The following TTBK2 variants were observed in gnomAD, a reference collection of about 807,000 sequenced individuals.
The protein encoded by TTBK2 is tau tubulin kinase 2.
Under a neutral mutation model 110.8 loss-of-function variants are expected in TTBK2, and 28 were observed. The observed-to-expected ratio is 0.25, with a 90% CI of 0.19 to 0.35. The LOEUF (loss-of-function observed/expected upper bound fraction) is 0.35. Ranked by LOEUF, TTBK2 falls within the 10% of genes least tolerant of loss-of-function variation. The probability of loss-of-function intolerance (pLI) is 1.00; values close to 1 mark genes in which losing one functional copy is unlikely to be tolerated. For missense variants in TTBK2, 1,369 were observed against 1,500.3 expected, an observed-to-expected ratio of 0.91 and a Z score of 1.45; for synonymous variants, 532 against 527.3, an observed-to-expected ratio of 1.01 and a Z score of -0.12.
At chr15:42,759,325 C>G (rs1433022484) in intron 13 of TTBK2, among the ~76,000 whole-genome samples, 1 of 152,232 alleles carries the variant, frequency 6.6e-6, no homozygotes, top group East Asian at 1.9e-4. Context: ...CACTCAGGGA[C>G]AGCTGGCTCA....
chr15:42,827,839 GGATA>G (rs1892595444), intron 6 of TTBK2, 85 bp downstream of exon 6: 2 of 1,018,776 alleles, frequency 2.0e-6, no homozygotes, highest in Admixed American at 3.8e-5. Flanking sequence ...ACATCCATTA[GGATA>G]AATAATTAGC....
intron 9 of TTBK2, among the ~76,000 whole-genome samples, chr15:42,807,352 C>T (rs149492745): frequency 0.017 from 2,588 of 152,110 alleles, 32 homozygotes; most frequent in Middle Eastern, 0.037. Context: ...TGATGCTTAA[C>T]AAATTTGAAC....
chr15:42,838,799 G>A (rs1893100657), intron 4 of TTBK2, among the ~76,000 whole-genome samples: 2 of 151,642 alleles, frequency 1.3e-5, no homozygotes, highest in Admixed American at 1.3e-4. Flanking sequence ...CTGGGTGACA[G>A]ACCAAGACTC....
In TTBK2 at chr15:42,777,252, A is replaced by G; in HGVS notation, c.1198-10T>C. ...CCTCTTCAGTAGCAGCCTATCCAAA[A>G]TATAAAATAAAATCATGAAAAACAT... On this transcript the variant is annotated splice_polypyrimidine_tract_variant and intron_variant, in intron 11 of 14. Transcript: ENST00000267890. 1 of 1,613,798 alleles carries G rather than the reference A, an allele frequency of 6.2e-7. No individual in the cohort carries two copies. The highest frequency in any genetic ancestry group is 1.1e-5 in the South Asian group (1 of 91,008).
chr15:42,754,450 C>T (rs2061914400), intron 13 of TTBK2, among the ~76,000 whole-genome samples: 2 of 151,308 alleles, frequency 1.3e-5, no homozygotes, highest in South Asian at 4.2e-4. Flanking sequence ...GGCTGGAGTG[C>T]AATGGTGCAA....
intron 7 of TTBK2, among the ~76,000 whole-genome samples, chr15:42,814,013 T>A (rs1437607946): frequency 3.3e-5 from 5 of 152,016 alleles, no homozygotes; most frequent in Non-Finnish European, 5.9e-5. Context: ...AGAGTTCAAG[T>A]GTTTTTTTGT....
At chr15:42,882,139 A>T (rs1416869853) in intron 1 of TTBK2, among the ~76,000 whole-genome samples, 1 of 152,120 alleles carries the variant, frequency 6.6e-6, no homozygotes, top group East Asian at 1.9e-4. Context: ...AGAAAAAAAT[A>T]AAAAATAGCT....
intron 4 of TTBK2, among the ~76,000 whole-genome samples, chr15:42,838,822 A>G (rs186176043): frequency 4.6e-4 from 70 of 152,312 alleles, no homozygotes; most frequent in African/African-American, 1.6e-3. Flanking sequence ...TCTCAAAAAA[A>G]AAATATACAG....
chr15:42,874,957 G>A (rs1313807224), intron 2 of TTBK2, among the ~76,000 whole-genome samples: 1 of 128,722 alleles, frequency 7.8e-6, no homozygotes, highest in Admixed American at 8.5e-5. Context: ...TTGCACTCCA[G>A]CCTGGGCAAC....
rs547626539 is a variant in TTBK2, at chr15:42,903,037, T to C, written c.-68+17401A>G. 2.9e-4 allele frequency among the ~76,000 whole-genome samples: 44 copies of C among 152,186 alleles called. No homozygotes were observed. The South Asian group carries it at 9.1e-3, about 32-fold the overall frequency. ...AAAGAAAGGGAATTCTTTTTAATTT[T>C]TTTTTTATTTGAGACAGTCTCGCTC... On this transcript the variant is annotated intron_variant, in intron 1 of 14. Transcript: ENST00000267890.
intron 1 of TTBK2, among the ~76,000 whole-genome samples, chr15:42,886,863 G>A (rs768573486): frequency 1.3e-5 from 2 of 152,142 alleles, no homozygotes; most frequent in Admixed American, 6.5e-5. Context: ...CTCTTAAGTC[G>A]TGTCCCATCT....
At chr15:42,764,191 C>T (rs933795478) in intron 13 of TTBK2, among the ~76,000 whole-genome samples, 2 of 152,170 alleles carry the variant, frequency 1.3e-5, no homozygotes, top group Non-Finnish European at 2.9e-5. Flanking sequence ...GCATGACTGA[C>T]GCAGAAGACA....
chr15:42,788,389 A>G (rs1890500919), intron 10 of TTBK2, among the ~76,000 whole-genome samples: 1 of 152,156 alleles, frequency 6.6e-6, no homozygotes, highest in South Asian at 2.1e-4. Flanking sequence ...TAGAGTTCAG[A>G]AAACATACAT....
At chr15:42,849,972 T>C (rs1893629170) in intron 3 of TTBK2, among the ~76,000 whole-genome samples, 1 of 152,108 alleles carries the variant, frequency 6.6e-6, no homozygotes, top group South Asian at 2.1e-4. Flanking sequence ...AACACCACTC[T>C]GCAGAGTACT....
intron 1 of TTBK2, among the ~76,000 whole-genome samples, chr15:42,910,992 T>C (rs1418693433): frequency 6.7e-6 from 1 of 148,506 alleles, no homozygotes; most frequent in Non-Finnish European, 1.5e-5. Context: ...TGCAGTGAGC[T>C]GAGATTGTGC....
At chr15:42,859,029 C>T (rs1894053062) in intron 3 of TTBK2, among the ~76,000 whole-genome samples, 1 of 152,050 alleles carries the variant, frequency 6.6e-6, no homozygotes, top group African/African-American at 2.4e-5. Flanking sequence ...AAGGTCTGCC[C>T]TCAGGAGAAA....
At chr15:42,889,554 G>A (rs994681858) in intron 1 of TTBK2, among the ~76,000 whole-genome samples, 2 of 152,098 alleles carry the variant, frequency 1.3e-5, no homozygotes, top group Non-Finnish European at 2.9e-5. Flanking sequence ...CCAAAAACTC[G>A]CCAACCAAGC....
intron 3 of TTBK2, among the ~76,000 whole-genome samples, chr15:42,868,242 A>G (rs1013227748): frequency 2.6e-5 from 4 of 152,248 alleles, no homozygotes; most frequent in African/African-American, 9.6e-5. Flanking sequence ...ACATAACCCC[A>G]TCATAAGTTG....
chr15:42,856,739 C>T (rs917224754), intron 3 of TTBK2, among the ~76,000 whole-genome samples: 74 of 152,032 alleles, frequency 4.9e-4, no homozygotes, highest in Non-Finnish European at 7.4e-5. Context: ...GAAAAAGAAT[C>T]CCCTAATGTA....
Sources: allele counts gnomAD v4.1 joint callset (sites outside exome capture counted in the v4.1 genomes callset), GRCh38; gene constraint gnomAD v4.1.1; transcripts MANE v1.5; gene names NCBI Gene and HGNC (gene_info 2026-07-23, HGNC 2026-07-21).